ENOX1: variants seen among roughly 807,000 people sequenced by gnomAD.
ENOX1 encodes candidate growth-related and time keeping constitutive hydroquinone (NADH) oxidase.
Under a neutral mutation model 82.5 loss-of-function variants are expected in ENOX1, and 42 were observed. That is an observed-to-expected ratio of 0.51 (90% CI 0.40 to 0.66). The LOEUF (loss-of-function observed/expected upper bound fraction) is 0.66. Ranked by LOEUF, ENOX1 falls within the 30% of genes least tolerant of loss-of-function variation. The pLI is 0.00. For synonymous variants in ENOX1, 271 were observed against 282.2 expected, an observed-to-expected ratio of 0.96 and a Z score of 0.40; for missense variants, 608 against 811.6, an observed-to-expected ratio of 0.75 and a Z score of 3.05.
chr13:43,348,552 T>C (rs1292115526), intron 8 of ENOX1, among the ~76,000 whole-genome samples: 1 of 152,238 alleles, frequency 6.6e-6, no homozygotes, highest in Non-Finnish European at 1.5e-5. Context: ...AAGCAATTCA[T>C]ACATTTTAAA....
At chr13:43,588,822 T>G (rs2081110285) in intron 2 of ENOX1, among the ~76,000 whole-genome samples, 1 of 152,160 alleles carries the variant, frequency 6.6e-6, no homozygotes, top group South Asian at 2.1e-4. Context: ...CAGCAAAAGT[T>G]GCATGGAACA....
At chr13:43,360,617 C>G (rs897501808) in intron 6 of ENOX1, among the ~76,000 whole-genome samples, 1 of 151,696 alleles carries the variant, frequency 6.6e-6, no homozygotes, top group East Asian at 1.9e-4. Context: ...ACAATGTACA[C>G]TCTCACAATA....
chr13:43,754,309 A>ATGTG (rs1336759197), intron 1 of ENOX1, among the ~76,000 whole-genome samples: 9 of 140,646 alleles, frequency 6.4e-5, no homozygotes, highest in African/African-American at 2.4e-4. Flanking sequence ...GCGTGTATGT[A>ATGTG]TGTGTGTGTG....
intron 2 of ENOX1, among the ~76,000 whole-genome samples, chr13:43,495,299 T>A (rs1394942322): frequency 6.6e-6 from 1 of 152,096 alleles, no homozygotes; most frequent in African/African-American, 2.4e-5. Context: ...ATACAAAACA[T>A]TTCCATCACC....
At chr13:43,308,117 T>G (rs576999474) in intron 11 of ENOX1, among the ~76,000 whole-genome samples, 1 of 151,086 alleles carries the variant, frequency 6.6e-6, no homozygotes, top group African/African-American at 2.4e-5. Context: ...GTCCTTGGCT[T>G]GCATCACCAC....
intron 8 of ENOX1, among the ~76,000 whole-genome samples, chr13:43,349,317 G>A (rs2049610345): frequency 6.6e-6 from 1 of 152,176 alleles, no homozygotes; most frequent in African/African-American, 2.4e-5. Context: ...CTGCAGTGAG[G>A]CACTAAACAG....
chr13:43,328,344 T>G (rs1027898344), intron 9 of ENOX1, among the ~76,000 whole-genome samples: 2 of 152,192 alleles, frequency 1.3e-5, no homozygotes, highest in African/African-American at 4.8e-5. Flanking sequence ...AAATCTAGGC[T>G]GGCAGGGGTG....
At chr13:43,503,603 A>G (rs991261288) in intron 2 of ENOX1, among the ~76,000 whole-genome samples, 2 of 151,730 alleles carry the variant, frequency 1.3e-5, no homozygotes, top group African/African-American at 4.8e-5. Context: ...ATGATCTGCA[A>G]CAAGGGTGCC....
At chr13:43,324,209 G>C (rs2047975903) in intron 10 of ENOX1, among the ~76,000 whole-genome samples, 1 of 152,228 alleles carries the variant, frequency 6.6e-6, no homozygotes, top group South Asian at 2.1e-4. Flanking sequence ...AATTCCCAAA[G>C]AGGTGGCTTA....
At chr13:43,649,815 G>A (rs2084071727) in intron 2 of ENOX1, among the ~76,000 whole-genome samples, 1 of 152,154 alleles carries the variant, frequency 6.6e-6, no homozygotes, top group Admixed American at 6.5e-5. Flanking sequence ...CTACAGATAT[G>A]TTGTATTTAA....
At chr13:43,247,844 TATATATATATATATATATATATATATA>T (rs1566328398) in intron 14 of ENOX1, among the ~76,000 whole-genome samples, 224 of 5,110 alleles carry the variant, frequency 0.044, 34 homozygotes, top group Middle Eastern at 0.25. Flanking sequence ...TATATATATA[TATATATATATATATATATATATATATA>T]TATATATATA....
At position 43,260,124 on chromosome 13, in the gene ENOX1, T is replaced by C. The variant is rs183425739; in HGVS notation, c.1611+5274A>G. Among the ~76,000 whole-genome samples, 267 of 152,344 alleles carry C rather than the reference T, an allele frequency of 1.8e-3. 1 individual carries two copies. Among genetic ancestry groups the C allele is most frequent in the African/African-American group, 6.2e-3 (259 of 41,570 alleles). On this transcript the variant is annotated intron_variant, in intron 14 of 16. Coordinates refer to ENST00000690772, the MANE Select transcript of ENOX1 (RefSeq NM_001347969.2). ...ATACATCATTAAAATACATGGTTAA[T>C]GATAGCCTTCTGCTGTGCTGTACTA... is the stretch of plus-strand genomic sequence containing the variant.
intron 2 of ENOX1, among the ~76,000 whole-genome samples, chr13:43,601,014 A>G (rs1415747000): frequency 2.0e-5 from 3 of 152,150 alleles, no homozygotes; most frequent in Non-Finnish European, 4.4e-5. Context: ...CCAAAAACTT[A>G]TAACACTAAC....
chr13:43,681,299 T>C (rs1449128161), intron 1 of ENOX1, among the ~76,000 whole-genome samples: 7 of 152,102 alleles, frequency 4.6e-5, no homozygotes, highest in Admixed American at 4.6e-4. Context: ...TGAGAAAAAC[T>C]AAGGGCCTGT....
intron 5 of ENOX1, among the ~76,000 whole-genome samples, chr13:43,386,003 T>TAAAAATAC: frequency 6.6e-6 from 1 of 152,176 alleles, no homozygotes; most frequent in Admixed American, 6.5e-5. Context: ...CCATCTCTAC[T>TAAAAATAC]AAAAATACAA....
At chr13:43,541,846 G>A (rs973675475) in intron 2 of ENOX1, among the ~76,000 whole-genome samples, 3 of 152,080 alleles carry the variant, frequency 2.0e-5, no homozygotes, top group African/African-American at 7.2e-5. Flanking sequence ...CAAGTTCTGA[G>A]CTCTCTCCAA....
At chr13:43,237,925 G>A (rs953255340) in intron 14 of ENOX1, among the ~76,000 whole-genome samples, 1 of 152,208 alleles carries the variant, frequency 6.6e-6, no homozygotes, top group Non-Finnish European at 1.5e-5. Context: ...AGGCTCTACT[G>A]AGAAATTGCA....
intron 2 of ENOX1, among the ~76,000 whole-genome samples, chr13:43,538,331 G>A (rs1454681964): frequency 1.3e-5 from 2 of 152,102 alleles, no homozygotes; most frequent in East Asian, 1.9e-4. Flanking sequence ...TGACCCTAAC[G>A]TGACACATTT....
chr13:43,213,421 G>T lies in ENOX1; in HGVS notation c.*569C>A, dbSNP rs1046385503. ...CTCTTCAATAAGGCAAAAGTCCCTG[G>T]AACAGCATATAACTTAATTTACAAA... is the stretch of plus-strand genomic sequence containing the variant. On this transcript the variant is annotated 3_prime_UTR_variant, in exon 17 of 17. Coordinates refer to ENST00000690772, the MANE Select transcript of ENOX1 (RefSeq NM_001347969.2). 2 of 151,850 alleles carry T rather than the reference G, an allele frequency of 1.3e-5. No individual in the cohort carries two copies. The highest frequency in any genetic ancestry group is 4.8e-5 in the African/African-American group (2 of 41,358). 9.4% of individuals were successfully genotyped at this position (151,850 alleles called of 1,614,324 possible). A position where few individuals can be genotyped will look rare whatever the true frequency, so the allele number is the denominator to read the frequency against.
Sources: allele counts gnomAD v4.1 joint callset (sites outside exome capture counted in the v4.1 genomes callset), GRCh38; gene constraint gnomAD v4.1.1; transcripts MANE v1.5; gene names NCBI Gene and HGNC (gene_info 2026-07-23, HGNC 2026-07-21).